The following GOLGA1 variants were observed in gnomAD, a reference collection of about 807,000 sequenced individuals.
GOLGA1 encodes golgin subfamily A member 1.
GOLGA1 carries 63 observed loss-of-function variants against 119.7 expected under a neutral mutation model. That is an observed-to-expected ratio of 0.53 (90% CI 0.43 to 0.65). The LOEUF is 0.65. Ranked by LOEUF, GOLGA1 falls within the 30% of genes least tolerant of loss-of-function variation. The pLI, the probability that GOLGA1 is intolerant of heterozygous loss-of-function variation, is 0.00. For missense variants in GOLGA1, 798 were observed against 912.8 expected (o/e 0.87, Z 1.62); for synonymous variants, 318 against 333.4 (o/e 0.95, Z 0.50).
chr9:124,882,682 C>A, intron 19 of GOLGA1, 113 bp from the exon 20 acceptor site: 1 of 800,698 alleles, frequency 1.2e-6, no homozygotes, highest in South Asian at 1.5e-5. Flanking sequence ...AGCCTCTGCC[C>A]TGAGAAGTCA....
intron 14 of GOLGA1, 98 bp from the exon 15 acceptor site, chr9:124,898,742 A>C: frequency 1.4e-6 from 1 of 723,464 alleles, no homozygotes; most frequent in Non-Finnish European, 2.4e-6. Flanking sequence ...GGGAGGAACA[A>C]TATACATTTT....
chr9:124,885,744 G>T (rs894307265), intron 19 of GOLGA1, among the ~76,000 whole-genome samples: 10 of 152,106 alleles, frequency 6.6e-5, no homozygotes, highest in African/African-American at 2.4e-4. Context: ...AGGACAGGAG[G>T]GGCTCAGCTG....
At chr9:124,891,978 C>CAG (rs10656594) in intron 15 of GOLGA1, among the ~76,000 whole-genome samples, 146,247 of 151,844 alleles carry the variant, frequency 0.96, 70,668 homozygotes, top group East Asian at 1. Context: ...ATTCCTGAGA[C>CAG]AGTTTCATTT....
rs941906502 is a variant in GOLGA1, at chr9:124,889,085, T to G, written c.1761+58A>C. 27 of 1,422,640 alleles carry G rather than the reference T, an allele frequency of 1.9e-5. No homozygotes were observed. The South Asian group carries it at 3.2e-4, about 17-fold the overall frequency. 88.1% of individuals were successfully genotyped at this position (1,422,640 alleles called of 1,614,324 possible). ...CCCACTGCTGCCTCCTTAGGGGCAC[T>G]CTCGGCACCTGCCCTGCATCTTGCT... On this transcript the variant is annotated intron_variant, in intron 18 of 22. Transcript: ENST00000373555.
chr9:124,899,961 C>CAG (rs1830066054), intron 13 of GOLGA1, among the ~76,000 whole-genome samples: 1 of 152,374 alleles, frequency 6.6e-6, no homozygotes, highest in East Asian at 1.9e-4. Flanking sequence ...GCATAATTCT[C>CAG]AGGTCTCCTG....
At chr9:124,886,549 G>A (rs1829724265) in intron 19 of GOLGA1, among the ~76,000 whole-genome samples, 4 of 152,188 alleles carry the variant, frequency 2.6e-5, no homozygotes, top group Admixed American at 2.6e-4. Context: ...GGAGATGGCA[G>A]ATATAGGAAG....
At chr9:124,894,849 C>A (rs1353035996) in intron 15 of GOLGA1, among the ~76,000 whole-genome samples, 1 of 152,112 alleles carries the variant, frequency 6.6e-6, no homozygotes, top group Non-Finnish European at 1.5e-5. Context: ...TGCATATTTG[C>A]AGCAAATACA....
In GOLGA1 at chr9:124,882,569, T is replaced by A. The variant is rs1170263718; in HGVS notation, c.1906A>T (p.Thr636Ser). ...LEQQLLEKNK[T>S]IKQMQQRMLE... ...ATCCGCTGCTGCATCTGCTTTATGGTCTGCGACAAGCCCCACCCCACAGAA... is the reference window on the plus strand; with the variant it reads ...ATCCGCTGCTGCATCTGCTTTATGGACTGCGACAAGCCCCACCCCACAGAA... The change falls in exon 20 of 23, where the codon ACC (threonine) becomes TCC (serine). Residue 636 changes from threonine to serine, a missense_variant and splice_region_variant. By Grantham distance (58) the Thr-to-Ser change is moderately conservative. Transcript: ENST00000373555. 1 of 1,611,708 alleles carries A rather than the reference T, an allele frequency of 6.2e-7. No individual in the cohort carries two copies. The highest frequency in any genetic ancestry group is 1.3e-5 in the African/African-American group (1 of 75,038).
chr9:124,938,437 C>A, intron 3 of GOLGA1, 140 bp downstream of exon 3: 1 of 709,072 alleles, frequency 1.4e-6, no homozygotes, highest in South Asian at 1.9e-5. Context: ...AAAAAGGTAC[C>A]TCAGAGTAAG....
At chr9:124,908,277 A>G (rs1219237130) in intron 12 of GOLGA1, 100 bp downstream of exon 12, 7 of 742,944 alleles carry the variant, frequency 9.4e-6, no homozygotes, top group Non-Finnish European at 2.5e-6. Flanking sequence ...AATCCCTTCT[A>G]GTGAAAAAAC....
intron 8 of GOLGA1, among the ~76,000 whole-genome samples, chr9:124,922,184 C>T (rs555528498): frequency 8.7e-5 from 13 of 150,234 alleles, no homozygotes; most frequent in Admixed American, 2.0e-4. Context: ...GCCAAGATCG[C>T]GCCACTGCAC....
At chr9:124,924,682 C>T (rs1320550991) in intron 7 of GOLGA1, among the ~76,000 whole-genome samples, 3 of 143,998 alleles carry the variant, frequency 2.1e-5, no homozygotes, top group Non-Finnish European at 4.6e-5. Context: ...CTCTTAAGGA[C>T]TAACCCTTCT....
At chr9:124,907,582 C>G (rs1352848240) in intron 12 of GOLGA1, among the ~76,000 whole-genome samples, 2 of 152,110 alleles carry the variant, frequency 1.3e-5, no homozygotes, top group Non-Finnish European at 2.9e-5. Flanking sequence ...CAAGAATATA[C>G]AATGAAATCC....
chr9:124,892,587 A>G (rs867811326), intron 15 of GOLGA1, among the ~76,000 whole-genome samples: 2 of 152,168 alleles, frequency 1.3e-5, no homozygotes, highest in South Asian at 2.1e-4. Flanking sequence ...TTATTTCAAA[A>G]TATTTTAAAA....
At chr9:124,901,101 AG>A (rs1433518569) in intron 12 of GOLGA1, among the ~76,000 whole-genome samples, 1 of 150,452 alleles carries the variant, frequency 6.6e-6, no homozygotes, top group African/African-American at 2.5e-5. Flanking sequence ...CCTTCTGAGT[AG>A]CTGGGACTAC....
chr9:124,931,973 G>A (rs1014710623), intron 3 of GOLGA1, among the ~76,000 whole-genome samples: 5 of 152,116 alleles, frequency 3.3e-5, no homozygotes, highest in Admixed American at 3.3e-4. Flanking sequence ...TAAAATAAAT[G>A]AATACTACTA....
At position 124,881,361 on chromosome 9, in the gene GOLGA1, C is replaced by T; in HGVS notation, c.2137-104G>A. ...TCCTGCTTGCTTTGGTTAGCAGGAC[C>T]AGGTGGTGGGTGACGCTCTGGCACT... On this transcript the variant is annotated intron_variant, in intron 21 of 22. Transcript: ENST00000373555. The surrounding 1 kb of genome is among the most constrained non-coding windows in gnomAD (Gnocchi z 4.9). 1.3e-6 allele frequency: 1 copy of T among 760,454 alleles called. No homozygotes were observed. The highest frequency in any genetic ancestry group is 2.4e-6 in the Non-Finnish European group (1 of 411,066). 47.1% of individuals were successfully genotyped at this position (760,454 alleles called of 1,614,324 possible).
At chr9:124,933,209 T>C (rs577801570) in intron 3 of GOLGA1, among the ~76,000 whole-genome samples, 1 of 152,268 alleles carries the variant, frequency 6.6e-6, no homozygotes, top group Admixed American at 6.5e-5. Flanking sequence ...GTGCTTTAGA[T>C]TCTACGCAGA....
intron 12 of GOLGA1, among the ~76,000 whole-genome samples, chr9:124,904,793 A>C (rs1030687223): frequency 2.0e-5 from 3 of 152,010 alleles, no homozygotes; most frequent in African/African-American, 7.2e-5. Flanking sequence ...TACAAAAATT[A>C]GCTGGGCATG....
Sources: gnomAD v4.1 joint callset for allele counts (sites outside exome capture counted in the v4.1 genomes callset) on GRCh38, gnomAD v4.1.1 for gene constraint, Gnocchi (gnomAD v3.1) non-coding constraint, MANE v1.5 for transcripts, NCBI Gene and HGNC (gene_info 2026-07-23, HGNC 2026-07-21) for gene names.